SUCLA2: variants seen among roughly 807,000 people sequenced by gnomAD.
SUCLA2 encodes the protein succinate--CoA ligase [ADP-forming] subunit beta, mitochondrial.
Under a neutral mutation model 54.8 loss-of-function variants are expected in SUCLA2, and 30 were observed. The observed-to-expected ratio is 0.55, with a 90% CI of 0.41 to 0.74. The LOEUF (loss-of-function observed/expected upper bound fraction) is 0.74, where lower values mean the gene tolerates loss of function less well. SUCLA2 is among the 30% of genes least tolerant of loss of function. SUCLA2 has a pLI of 0.00. For synonymous variants in SUCLA2, 172 were observed against 188.9 expected (o/e 0.91, Z 0.74); for missense variants, 476 against 562.9 (o/e 0.85, Z 1.56).
intron 5 of SUCLA2, 63 bp from the exon 6 acceptor site, chr13:47,968,796 A>G (rs1949938974): frequency 1.9e-6 from 3 of 1,557,770 alleles, no homozygotes; most frequent in Non-Finnish European, 2.6e-6. Context: ...ATTACTATAA[A>G]TAAAAAGCCT....
chr13:47,980,460 T>C (rs1950051727), intron 4 of SUCLA2, among the ~76,000 whole-genome samples: 1 of 151,676 alleles, frequency 6.6e-6, no homozygotes, highest in Non-Finnish European at 1.5e-5. Flanking sequence ...CACAAACAAA[T>C]GGAAAGACAT....
Position 47,953,872 on chromosome 13 carries a change from A to G in SUCLA2, c.1107+268T>C, listed in dbSNP as rs7333821. On this transcript the variant is annotated intron_variant, in intron 8 of 10. Transcript: ENST00000646932. ...TGAATTATGATACTTCACATCCCTT[A>G]TACTTTGATAATCATTAATAAACAC... Among the ~76,000 whole-genome samples the G allele has an allele frequency of 0.73, 110,777 of 151,930 alleles. 41,350 individuals carry two copies. The highest frequency in any genetic ancestry group is 0.82 in the Non-Finnish European group (55,393 of 67,946).
chr13:47,965,736 T>C (rs897726470), intron 6 of SUCLA2: 1 of 396,474 alleles, frequency 2.5e-6, no homozygotes, highest in African/African-American at 2.1e-5. Context: ...ATTAAATTTC[T>C]TGGTTTTAAT....
chr13:47,995,878 G>A (rs534581423), intron 2 of SUCLA2, among the ~76,000 whole-genome samples: 1,132 of 91,176 alleles, frequency 0.012, 21 homozygotes, highest in Non-Finnish European at 0.011. Flanking sequence ...ATTGACAAAA[G>A]CTATTAAGGC....
At chr13:47,999,503 C>G (rs1042047474) in intron 1 of SUCLA2, among the ~76,000 whole-genome samples, 1 of 152,110 alleles carries the variant, frequency 6.6e-6, no homozygotes, top group Admixed American at 6.5e-5. Context: ...GTCAGGAGAT[C>G]GAGACCGTCC....
chr13:47,944,771 AAAG>A (rs1949715868), intron 10 of SUCLA2, among the ~76,000 whole-genome samples: 1 of 152,198 alleles, frequency 6.6e-6, no homozygotes, highest in South Asian at 2.1e-4. Context: ...GTACTTTCCC[AAAG>A]AAGGACATAA....
chr13:47,943,560 T>C (rs1443112307), intron 10 of SUCLA2, 115 bp from the exon 11 acceptor site: 9 of 879,034 alleles, frequency 1.0e-5, no homozygotes, highest in Middle Eastern at 2.3e-4. Context: ...TATTCTGACA[T>C]TGCTATAAAT....
chr13:47,947,505 C>T (rs545617800), intron 10 of SUCLA2, among the ~76,000 whole-genome samples: 14 of 152,130 alleles, frequency 9.2e-5, no homozygotes, highest in Non-Finnish European at 2.1e-4. Context: ...TTTTTAGAAG[C>T]ATTACATATA....
At chr13:47,954,681 T>C in intron 6 of SUCLA2, 124 bp from the exon 7 acceptor site, 3 of 1,048,880 alleles carry the variant, frequency 2.9e-6, no homozygotes, top group South Asian at 3.1e-5. Flanking sequence ...AATGAAAATA[T>C]TTCAATTTAT....
At chr13:47,992,798 T>C (rs1485138454) in intron 2 of SUCLA2, among the ~76,000 whole-genome samples, 1 of 152,252 alleles carries the variant, frequency 6.6e-6, no homozygotes, top group Non-Finnish European at 1.5e-5. Flanking sequence ...TTATATGCCA[T>C]TAGAAATCTC....
At chr13:47,986,150 C>T (rs1433289702) in intron 4 of SUCLA2, among the ~76,000 whole-genome samples, 1 of 151,646 alleles carries the variant, frequency 6.6e-6, no homozygotes, top group Non-Finnish European at 1.5e-5. Flanking sequence ...CCTGCCTCAG[C>T]CTCCCAAGTA....
chr13:47,952,223 G>A (rs1463974981), intron 8 of SUCLA2, among the ~76,000 whole-genome samples: 3 of 151,798 alleles, frequency 2.0e-5, no homozygotes, highest in South Asian at 2.1e-4. Context: ...TTGGTCCTTC[G>A]ATGTCACCAC....
intron 2 of SUCLA2, among the ~76,000 whole-genome samples, chr13:47,996,335 AAAAAG>A (rs1950190878): frequency 6.6e-6 from 1 of 151,370 alleles, no homozygotes; most frequent in Non-Finnish European, 1.5e-5. Flanking sequence ...AAAAAAAAAA[AAAAAG>A]AAAAGAAAAA....
At chr13:47,972,017 G>T (rs11839719) in intron 5 of SUCLA2, 162 of 392,770 alleles carry the variant, frequency 4.1e-4, no homozygotes, top group Non-Finnish European at 6.3e-4. Context: ...TCAGGAGGCC[G>T]ATGAGGGTGG....
In SUCLA2 at chr13:47,948,972, CAAGT is replaced by C; in HGVS notation, c.1281_1284del (p.Ile427MetfsTer14). Reference sequence around the variant, plus strand: ...GCAGCTTCATCCAAGTCATCACAAGCAAGTATTTTAAGTCCACTGTCCGCTATCA... The same window carrying C: ...GCAGCTTCATCCAAGTCATCACAAGCATTTTAAGTCCACTGTCCGCTATCA... On this transcript the variant is annotated frameshift_variant, in exon 10 of 11. Coordinates refer to ENST00000646932, the MANE Select transcript of SUCLA2 (RefSeq NM_003850.3). LOFTEE classifies it high-confidence loss of function. 1 of 1,613,808 alleles carries C rather than the reference CAAGT, an allele frequency of 6.2e-7. No homozygotes were observed. The highest frequency in any genetic ancestry group is 8.5e-7 in the Non-Finnish European group (1 of 1,179,782).
chr13:47,992,462 A>C (rs1270717417), intron 2 of SUCLA2, among the ~76,000 whole-genome samples: 1 of 152,102 alleles, frequency 6.6e-6, no homozygotes, highest in Non-Finnish European at 1.5e-5. Flanking sequence ...GAAAGATTAG[A>C]AGAGAAGTCT....
intron 4 of SUCLA2, chr13:47,987,830 A>C (rs1950115046): frequency 6.6e-6 from 1 of 152,078 alleles, no homozygotes; most frequent in Non-Finnish European, 1.5e-5. Flanking sequence ...CAGTTGCTTC[A>C]AAAAACAAGC....
chr13:47,959,147 C>T (rs1221427462), intron 6 of SUCLA2, among the ~76,000 whole-genome samples: 1 of 151,588 alleles, frequency 6.6e-6, no homozygotes, highest in African/African-American at 2.4e-5. Context: ...AAAAATGTGC[C>T]CCAAAAAATG....
intron 4 of SUCLA2, chr13:47,988,332 TATA>T (rs1950120929): frequency 3.6e-6 from 2 of 560,918 alleles, no homozygotes; most frequent in African/African-American, 3.9e-5. Flanking sequence ...GAATTTTTCC[TATA>T]ATTTTAAGAT....
Sources: allele counts gnomAD v4.1 joint callset (sites outside exome capture counted in the v4.1 genomes callset), GRCh38; gene constraint gnomAD v4.1.1; transcripts MANE v1.5; gene names NCBI Gene and HGNC (gene_info 2026-07-23, HGNC 2026-07-21).